Variants in FOXP2 observed in about 807,000 individuals in gnomAD.
FOXP2 encodes the protein forkhead box P2.
A neutral mutation model predicts 115.8 loss-of-function variants in FOXP2; 12 were observed. That is an observed-to-expected ratio of 0.10 (90% CI 0.07 to 0.17). The LOEUF is 0.17. Among genes scored for constraint, FOXP2 ranks in the 10% least tolerant of loss-of-function variants. The probability of loss-of-function intolerance (pLI) is 1.00; values close to 1 mark genes in which losing one functional copy is unlikely to be tolerated. For missense variants in FOXP2, 629 were observed against 843.5 expected, an observed-to-expected ratio of 0.75 and a Z score of 3.15; for synonymous variants, 328 against 297.7, an observed-to-expected ratio of 1.10 and a Z score of -1.05.
intron 2 of FOXP2, among the ~76,000 whole-genome samples, chr7:114,436,951 T>C (rs552901249): frequency 2.0e-5 from 3 of 152,198 alleles, no homozygotes; most frequent in Non-Finnish European, 4.4e-5. Context: ...TAGCTTAGTT[T>C]GTAATTTTAT....
At chr7:114,158,062 A>G (rs754683496), upstream of FOXP2, among the ~76,000 whole-genome samples, 3 of 152,144 alleles carry the variant, frequency 2.0e-5, no homozygotes, top group Non-Finnish European at 4.4e-5. Context: ...CAGAATATTC[A>G]AGTGAAGATA....
At position 114,324,360 on chromosome 7, in the gene FOXP2, T is replaced by C. The variant is rs1436517936; in HGVS notation, c.-11+36251T>C. On this transcript the variant is annotated intron_variant, in intron 2 of 17. Coordinates refer to the FOXP2 transcript ENST00000634411. ...TTACATTTAATTTTCCTCTGCTATA[T>C]ACTGACAGTTCCCTTTGAGCTAGCC... is the stretch of plus-strand genomic sequence containing the variant. Among the ~76,000 whole-genome samples, 2 of 151,994 alleles carry C rather than the reference T, an allele frequency of 1.3e-5. 1 individual carries two copies. Among genetic ancestry groups the C allele is most frequent in the Admixed American group, 1.3e-4 (2 of 15,276 alleles).
intron 2 of FOXP2, among the ~76,000 whole-genome samples, chr7:114,329,327 T>C (rs916496184): frequency 2.0e-5 from 3 of 151,802 alleles, no homozygotes; most frequent in Admixed American, 6.6e-5. Context: ...AGACCAGCCT[T>C]GTCAACATGG....
At chr7:114,535,798 G>A (rs540807382) in intron 3 of FOXP2, among the ~76,000 whole-genome samples, 8 of 151,740 alleles carry the variant, frequency 5.3e-5, no homozygotes, top group African/African-American at 1.9e-4. Flanking sequence ...GAAGAAGAGG[G>A]ACTTGGGGAT....
chr7:114,339,685 C>A (rs899026893), intron 2 of FOXP2, among the ~76,000 whole-genome samples: 4 of 150,978 alleles, frequency 2.6e-5, no homozygotes, highest in African/African-American at 9.7e-5. Flanking sequence ...CATGTTATAA[C>A]TTTTTAATTC....
intron 3 of FOXP2, among the ~76,000 whole-genome samples, chr7:114,595,277 C>G (rs1452957665): frequency 6.6e-6 from 1 of 151,926 alleles, no homozygotes; most frequent in South Asian, 2.1e-4. Flanking sequence ...TATAATTAAC[C>G]GCTACATATC....
At chr7:114,381,035 T>A (rs1792278034) in intron 2 of FOXP2, among the ~76,000 whole-genome samples, 2 of 152,232 alleles carry the variant, frequency 1.3e-5, no homozygotes. Flanking sequence ...CTGCTTCAGG[T>A]GTCCATCTTA....
intron 2 of FOXP2, among the ~76,000 whole-genome samples, chr7:114,380,318 C>T (rs779690720): frequency 1.3e-3 from 200 of 152,264 alleles, no homozygotes; most frequent in Non-Finnish European, 2.1e-3. Flanking sequence ...ATATATTTAC[C>T]CATTTTCCTT....
chr7:114,102,306 C>G (rs188445286), intron 1 of FOXP2, among the ~76,000 whole-genome samples: 25 of 151,872 alleles, frequency 1.6e-4, no homozygotes, highest in African/African-American at 6.0e-4. Context: ...GTGTCCCAAA[C>G]CATTATTGAT....
intron 3 of FOXP2, among the ~76,000 whole-genome samples, chr7:114,545,377 GTCTC>G (rs1298704725): frequency 6.6e-6 from 1 of 152,142 alleles, no homozygotes; most frequent in Non-Finnish European, 1.5e-5. Flanking sequence ...TTCTTGAGAT[GTCTC>G]TCTCTGATCA....
intron 3 of FOXP2, among the ~76,000 whole-genome samples, chr7:114,583,785 C>A (rs1243574179): frequency 1.3e-5 from 2 of 152,152 alleles, no homozygotes; most frequent in Non-Finnish European, 2.9e-5. Flanking sequence ...CAAATAGTTC[C>A]TACATCATTT....
At chr7:114,523,697 T>C (rs1382676519) in intron 2 of FOXP2, among the ~76,000 whole-genome samples, 1 of 152,120 alleles carries the variant, frequency 6.6e-6, no homozygotes, top group Non-Finnish European at 1.5e-5. Context: ...GACTGTCTTT[T>C]TGCAAAAACA....
At chr7:114,226,742 A>T (rs1794757579) in intron 1 of FOXP2, among the ~76,000 whole-genome samples, 1 of 152,014 alleles carries the variant, frequency 6.6e-6, no homozygotes, top group Non-Finnish European at 1.5e-5. Flanking sequence ...TATCATTATT[A>T]TGTCTTTCTT....
intron 2 of FOXP2, among the ~76,000 whole-genome samples, chr7:114,452,035 G>T (rs1795097509): frequency 6.6e-6 from 1 of 151,832 alleles, no homozygotes; most frequent in South Asian, 2.1e-4. Context: ...TAACCCCATA[G>T]ATCAGACACA....
At chr7:114,106,682 C>T (rs1791126886) in intron 1 of FOXP2, among the ~76,000 whole-genome samples, 1 of 151,862 alleles carries the variant, frequency 6.6e-6, no homozygotes, top group African/African-American at 2.4e-5. Context: ...ACCTGTATAA[C>T]CTTGGAAACC....
At chr7:114,200,690 G>A (rs1267128965) in intron 1 of FOXP2, among the ~76,000 whole-genome samples, 2 of 152,134 alleles carry the variant, frequency 1.3e-5, no homozygotes, top group African/African-American at 4.8e-5. Flanking sequence ...GTATATTTTA[G>A]CCTTCCCATT....
At chr7:114,264,364 G>A (rs1305758779) in intron 1 of FOXP2, among the ~76,000 whole-genome samples, 1 of 152,140 alleles carries the variant, frequency 6.6e-6, no homozygotes, top group Non-Finnish European at 1.5e-5. Context: ...GGTGACCTGA[G>A]ACCAAAGGTT....
Position 114,691,297 on chromosome 7 carries a change from A to G in FOXP2, c.*1371A>G, listed in dbSNP as rs1808656244. The G allele has an allele frequency of 2.2e-6, 1 of 451,950 alleles. No individual in the cohort carries two copies. Among genetic ancestry groups the G allele is most frequent in the Non-Finnish European group, 4.4e-6 (1 of 226,336 alleles). The allele number at this position is 451,950 out of a possible 1,614,324, so 28.0% of individuals were successfully genotyped here. On this transcript the variant is annotated 3_prime_UTR_variant, in exon 17 of 17. Coordinates refer to ENST00000350908, the MANE Select transcript of FOXP2 (RefSeq NM_014491.4). Reference sequence around the variant, plus strand: ...AAAACAAAAAGTAGGAACCAAACATAAAAGGTCTAGTAAAGCCAAAAATTA... The same window carrying G: ...AAAACAAAAAGTAGGAACCAAACATGAAAGGTCTAGTAAAGCCAAAAATTA...
chr7:114,269,346 A>C (rs1795979083), intron 1 of FOXP2, among the ~76,000 whole-genome samples: 1 of 152,230 alleles, frequency 6.6e-6, no homozygotes, highest in Admixed American at 6.5e-5. Flanking sequence ...AAAACTAAAA[A>C]TTCTAAATGA....
Sources: gnomAD v4.1 joint callset for allele counts (sites outside exome capture counted in the v4.1 genomes callset) on GRCh38, gnomAD v4.1.1 for gene constraint, MANE v1.5 for transcripts, NCBI Gene and HGNC (gene_info 2026-07-23, HGNC 2026-07-21) for gene names.